The following AKT3 variants were observed in gnomAD, a reference collection of about 807,000 sequenced individuals.
The protein encoded by AKT3 is RAC-gamma serine/threonine-protein kinase.
Under a neutral mutation model 65.3 loss-of-function variants are expected in AKT3, and 15 were observed. That is an observed-to-expected ratio of 0.23 (90% CI 0.15 to 0.35). The LOEUF (loss-of-function observed/expected upper bound fraction) is 0.35. AKT3 is among the 10% of genes least tolerant of loss of function. The pLI is 1.00. For missense variants in AKT3, 243 were observed against 576.5 expected (o/e 0.42, Z 5.92); for synonymous variants, 206 against 183.8 (o/e 1.12, Z -0.98).
intron 2 of AKT3, among the ~76,000 whole-genome samples, chr1:243,797,853 G>A (rs12060772): frequency 0.013 from 1,961 of 148,378 alleles, 37 homozygotes; most frequent in African/African-American, 0.045. Context: ...TCAAAAGTTA[G>A]GATAACAAAA....
chr1:243,794,537 T>C (rs1406467608), intron 2 of AKT3: 1 of 152,244 alleles, frequency 6.6e-6, no homozygotes, highest in African/African-American at 2.4e-5. Flanking sequence ...AAGTTAAATG[T>C]TATTCATATT....
intron 8 of AKT3, among the ~76,000 whole-genome samples, chr1:243,604,027 C>A (rs1677212444): frequency 6.6e-6 from 1 of 151,652 alleles, no homozygotes; most frequent in East Asian, 1.9e-4. Flanking sequence ...TCCCAAGTAG[C>A]TGGGATTACA....
intron 2 of AKT3, among the ~76,000 whole-genome samples, chr1:243,720,131 T>G (rs1686785783): frequency 6.6e-6 from 1 of 151,816 alleles, no homozygotes; most frequent in Non-Finnish European, 1.5e-5. Flanking sequence ...TGACCCCATC[T>G]CTACTAAAAA....
At chr1:243,573,112 A>G in intron 8 of AKT3, 64 bp from the exon 9 acceptor site, 1 of 1,556,106 alleles carries the variant, frequency 6.4e-7, no homozygotes, top group South Asian at 1.1e-5. Context: ...AAATTAACAC[A>G]AACATAAAAC....
intron 2 of AKT3, among the ~76,000 whole-genome samples, chr1:243,788,327 C>T (rs1234361376): frequency 2.0e-5 from 3 of 152,054 alleles, no homozygotes; most frequent in African/African-American, 7.2e-5. Context: ...AAAGCTATTC[C>T]GAAATACCAA....
intron 8 of AKT3, among the ~76,000 whole-genome samples, chr1:243,595,616 C>T (rs1163019532): frequency 2.0e-5 from 3 of 151,754 alleles, no homozygotes; most frequent in Non-Finnish European, 2.9e-5. Flanking sequence ...TTTTTTTTAA[C>T]GTCTTTAACT....
chr1:243,632,223 A>G (rs1679659399), intron 6 of AKT3, among the ~76,000 whole-genome samples: 1 of 152,228 alleles, frequency 6.6e-6, no homozygotes, highest in Admixed American at 6.5e-5. Flanking sequence ...TTCTTAAATA[A>G]TAAGACTTGA....
intron 9 of AKT3, 99 bp from the exon 10 acceptor site, chr1:243,563,947 A>G (rs1673975910): frequency 4.1e-6 from 5 of 1,221,586 alleles, no homozygotes; most frequent in Non-Finnish European, 5.6e-6. Flanking sequence ...GGTATTTTGG[A>G]AACAGGACAT....
Position 243,510,386 on chromosome 1 carries a change from C to T in AKT3, c.1354+1938G>A, listed in dbSNP as rs141915766. Among the ~76,000 whole-genome samples, 1,103 of 152,240 alleles carry T rather than the reference C, an allele frequency of 7.2e-3. 4 individuals carry two copies. The highest frequency in any genetic ancestry group is 1.0e-2 in the Non-Finnish European group (679 of 68,022). On this transcript the variant is annotated intron_variant, in intron 13 of 13. Transcript: ENST00000673466. ...TCTCCAACCCACTGCATGTTAGTGG[C>T]GGAAATAGACACTAACCAAACAAAC...
At chr1:243,598,731 A>G (rs1676806363) in intron 8 of AKT3, among the ~76,000 whole-genome samples, 1 of 152,166 alleles carries the variant, frequency 6.6e-6, no homozygotes, top group South Asian at 2.1e-4. Context: ...TACTTCCTCA[A>G]AGAGATAACT....
At chr1:243,786,540 C>A (rs1691273804) in intron 2 of AKT3, among the ~76,000 whole-genome samples, 1 of 152,194 alleles carries the variant, frequency 6.6e-6, no homozygotes, top group South Asian at 2.1e-4. Flanking sequence ...TCAATTAATT[C>A]TGTTTATACT....
intron 8 of AKT3, among the ~76,000 whole-genome samples, chr1:243,610,557 C>T (rs1370093652): frequency 6.6e-6 from 1 of 152,140 alleles, no homozygotes; most frequent in African/African-American, 2.4e-5. Context: ...TTACTGTTTC[C>T]CTTGGTCATC....
chr1:243,583,778 T>C (rs986896872), intron 8 of AKT3, among the ~76,000 whole-genome samples: 2 of 151,656 alleles, frequency 1.3e-5, no homozygotes, highest in Admixed American at 6.6e-5. Flanking sequence ...TAAATGAAAA[T>C]AGGTACACAA....
chr1:243,799,647 G>C (rs1692260133), intron 2 of AKT3, among the ~76,000 whole-genome samples: 1 of 152,010 alleles, frequency 6.6e-6, no homozygotes, highest in Non-Finnish European at 1.5e-5. Context: ...CTGGCCATAG[G>C]GTGGTTAAAA....
chr1:243,605,326 C>T (rs746334442), intron 8 of AKT3, among the ~76,000 whole-genome samples: 1 of 152,040 alleles, frequency 6.6e-6, no homozygotes, highest in Non-Finnish European at 1.5e-5. Context: ...CCAGGCCTGG[C>T]CAGAAAATAG....
chr1:243,731,830 A>T (rs1687590503), intron 2 of AKT3, among the ~76,000 whole-genome samples: 1 of 152,202 alleles, frequency 6.6e-6, no homozygotes, highest in Non-Finnish European at 1.5e-5. Context: ...TAATTTCAGG[A>T]TTATGATATT....
intron 1 of AKT3, among the ~76,000 whole-genome samples, chr1:243,846,795 T>C (rs1695540467): frequency 6.6e-6 from 1 of 152,182 alleles, no homozygotes; most frequent in Non-Finnish European, 1.5e-5. Context: ...AGAAAAACAC[T>C]AGAAGTGTTG....
Position 243,827,431 on chromosome 1 carries a change from C to T in AKT3, c.46+15694G>A, listed in dbSNP as rs574482914. Among the ~76,000 whole-genome samples, 8 of 152,226 alleles carry T rather than the reference C, an allele frequency of 5.3e-5. No individual in the cohort carries two copies. The East Asian group carries it at 1.3e-3, about 26-fold the overall frequency. On this transcript the variant is annotated intron_variant, in intron 2 of 13. Coordinates refer to ENST00000673466, the MANE Select transcript of AKT3 (RefSeq NM_005465.7). Reference sequence around the variant, plus strand: ...TTGAGAAATTAAGATACCCTCTGCCCTTTCTTCCCAATTTTTGTTACTTTC... The same window carrying T: ...TTGAGAAATTAAGATACCCTCTGCCTTTTCTTCCCAATTTTTGTTACTTTC...
chr1:243,586,398 GTACCCAAAAGAAAACAAAT>G (rs1675806183), intron 8 of AKT3, among the ~76,000 whole-genome samples: 1 of 152,134 alleles, frequency 6.6e-6, no homozygotes, highest in Admixed American at 6.5e-5. Context: ...TACTGAGTGT[GTACCCAAAAGAAAACAAAT>G]TGTTCTATAA....
Sources: allele counts gnomAD v4.1 joint callset (sites outside exome capture counted in the v4.1 genomes callset), GRCh38; gene constraint gnomAD v4.1.1; transcripts MANE v1.5; gene names NCBI Gene and HGNC (gene_info 2026-07-23, HGNC 2026-07-21).